Variants in ELP4 observed in about 807,000 individuals in gnomAD.
The protein encoded by ELP4 is elongator complex protein 4.
In ELP4, 51 loss-of-function variants were observed where a neutral mutation model predicts 48.9. The observed-to-expected ratio is 1.04, with a 90% CI of 0.83 to 1.32. The LOEUF is 1.32. ELP4 is among the 40% of genes most tolerant of loss of function. The pLI, the probability that ELP4 is intolerant of heterozygous loss-of-function variation, is 0.00. For missense variants in ELP4, 519 were observed against 514.6 expected (o/e 1.01, Z -0.08); for synonymous variants, 210 against 189.2 (o/e 1.11, Z -0.90).
intron 9 of ELP4, among the ~76,000 whole-genome samples, chr11:31,710,820 C>G (rs938120411): frequency 1.3e-5 from 2 of 151,984 alleles, no homozygotes; most frequent in Non-Finnish European, 2.9e-5. Context: ...ATGTAACTAT[C>G]CAAGCATTTA....
chr11:31,581,085 A>T (rs1957383638), intron 3 of ELP4, among the ~76,000 whole-genome samples: 1 of 152,152 alleles, frequency 6.6e-6, no homozygotes, highest in South Asian at 2.1e-4. Context: ...TTACGAATTC[A>T]TCTCAAAACT....
At chr11:31,702,730 T>C (rs1946552351) in intron 9 of ELP4, among the ~76,000 whole-genome samples, 1 of 152,208 alleles carries the variant, frequency 6.6e-6, no homozygotes, top group Admixed American at 6.5e-5. Context: ...ACATTCTGGC[T>C]ATAAAAAATC....
At chr11:31,705,124 A>G (rs1946604328) in intron 9 of ELP4, among the ~76,000 whole-genome samples, 1 of 152,178 alleles carries the variant, frequency 6.6e-6, no homozygotes, top group African/African-American at 2.4e-5. Context: ...GAAACTGGGT[A>G]ATTTATAAAG....
At chr11:31,687,329 G>C (rs574972947) in intron 9 of ELP4, among the ~76,000 whole-genome samples, 2 of 152,304 alleles carry the variant, frequency 1.3e-5, no homozygotes, top group East Asian at 3.9e-4. Context: ...AACATGTTTA[G>C]ATTCAGAAGA....
intron 3 of ELP4, among the ~76,000 whole-genome samples, chr11:31,591,043 G>C (rs990160564): frequency 5.9e-5 from 9 of 152,078 alleles, no homozygotes; most frequent in African/African-American, 2.2e-4. Context: ...TAATATATTT[G>C]ATAATGTCTA....
At chr11:31,662,350 G>A (rs1340450318) in intron 9 of ELP4, among the ~76,000 whole-genome samples, 1 of 152,132 alleles carries the variant, frequency 6.6e-6, no homozygotes, top group African/African-American at 2.4e-5. Context: ...CCACATAAAA[G>A]TGGGTAAATA....
intron 3 of ELP4, among the ~76,000 whole-genome samples, chr11:31,591,956 G>A (rs1158174465): frequency 2.0e-5 from 3 of 152,100 alleles, no homozygotes; most frequent in Non-Finnish European, 2.9e-5. Flanking sequence ...CAACATAGAG[G>A]AACATTGAAA....
chr11:31,668,181 A>G (rs1326958740), intron 9 of ELP4, among the ~76,000 whole-genome samples: 1 of 152,172 alleles, frequency 6.6e-6, no homozygotes. Flanking sequence ...GTTTTGTATA[A>G]TATTTAAATA....
chr11:31,679,180 A>G (rs1946003328), intron 9 of ELP4, among the ~76,000 whole-genome samples: 1 of 152,156 alleles, frequency 6.6e-6, no homozygotes, highest in African/African-American at 2.4e-5. Flanking sequence ...TTTATTGACT[A>G]TATTCATGCA....
chr11:31,604,142 A>T (rs1181861161), intron 5 of ELP4, among the ~76,000 whole-genome samples: 1 of 151,668 alleles, frequency 6.6e-6, no homozygotes, highest in Non-Finnish European at 1.5e-5. Context: ...CTAATTTGCA[A>T]CTTGAAAAAT....
intron 2 of ELP4, among the ~76,000 whole-genome samples, chr11:31,527,390 C>G (rs972051650): frequency 6.6e-6 from 1 of 151,994 alleles, no homozygotes; most frequent in African/African-American, 2.4e-5. Context: ...TATTTAACCC[C>G]CTATTCAACA....
intron 9 of ELP4, among the ~76,000 whole-genome samples, chr11:31,735,776 A>C (rs1947299805): frequency 6.6e-6 from 1 of 152,208 alleles, no homozygotes; most frequent in Admixed American, 6.5e-5. Context: ...AAGAGATATG[A>C]AGGACCTCTT....
intron 3 of ELP4, among the ~76,000 whole-genome samples, chr11:31,579,455 A>G (rs961562792): frequency 6.6e-6 from 1 of 152,198 alleles, no homozygotes; most frequent in Non-Finnish European, 1.5e-5. Flanking sequence ...AAAGGATTAT[A>G]AATCATGCTG....
At chr11:31,644,883 A>G (rs1945170542) in intron 7 of ELP4, among the ~76,000 whole-genome samples, 1 of 151,818 alleles carries the variant, frequency 6.6e-6, no homozygotes, top group South Asian at 2.1e-4. Context: ...ATAAGTTTAT[A>G]GTAAAAATAA....
intron 5 of ELP4, among the ~76,000 whole-genome samples, chr11:31,614,717 T>A (rs548827792): frequency 1.3e-5 from 2 of 152,132 alleles, no homozygotes; most frequent in Non-Finnish European, 1.5e-5. Flanking sequence ...TCAGCAATAT[T>A]TCTGTGATAT....
chr11:31,547,585 G>A (rs920239042), intron 3 of ELP4, among the ~76,000 whole-genome samples: 19 of 152,220 alleles, frequency 1.2e-4, no homozygotes, highest in African/African-American at 4.3e-4. Context: ...CATTCCTTCT[G>A]AAACTGTTCC....
At chr11:31,764,281 T>C (rs1327616978) in intron 9 of ELP4, among the ~76,000 whole-genome samples, 2 of 152,216 alleles carry the variant, frequency 1.3e-5, no homozygotes, top group South Asian at 2.1e-4. Context: ...ACTAGCTGTG[T>C]GTGCTTGAAG....
chr11:31,684,422 G>T (rs991425279), intron 9 of ELP4, among the ~76,000 whole-genome samples: 2 of 152,100 alleles, frequency 1.3e-5, no homozygotes, highest in Admixed American at 1.3e-4. Flanking sequence ...GGCCAGGCTG[G>T]TCTCGAACTC....
intron 4 of ELP4, among the ~76,000 whole-genome samples, chr11:31,597,120 T>A (rs748807055): frequency 1.3e-5 from 2 of 152,218 alleles, no homozygotes; most frequent in Non-Finnish European, 2.9e-5. Flanking sequence ...ATATATTCTT[T>A]GATTCTTTTG....
Sources: allele counts gnomAD v4.1 joint callset (sites outside exome capture counted in the v4.1 genomes callset), GRCh38; gene constraint gnomAD v4.1.1; transcripts MANE v1.5; gene names NCBI Gene and HGNC (gene_info 2026-07-23, HGNC 2026-07-21).